The following DIP2C variants were observed in gnomAD, a reference collection of about 807,000 sequenced individuals.
DIP2C encodes the protein disco-interacting protein 2 homolog C.
A neutral mutation model predicts 192.4 loss-of-function variants in DIP2C; 33 were observed. The ratio of observed to expected loss-of-function variants is 0.17; its 90% CI spans 0.13 to 0.23. DIP2C has a LOEUF of 0.23. DIP2C is among the 10% of genes least tolerant of loss of function. DIP2C has a pLI of 1.00. For synonymous variants in DIP2C, 979 were observed against 864.1 expected (o/e 1.13, Z -2.33); for missense variants, 1,537 against 2,110.1 (o/e 0.73, Z 5.32).
At chr10:492,550 T>C (rs1413501710) in intron 1 of DIP2C, among the ~76,000 whole-genome samples, 2 of 152,200 alleles carry the variant, frequency 1.3e-5, no homozygotes, top group Admixed American at 1.3e-4. Flanking sequence ...CATTATTTAT[T>C]GTTATTTAGT....
intron 36 of DIP2C, among the ~76,000 whole-genome samples, chr10:277,828 C>T (rs918592613): frequency 3.3e-5 from 5 of 152,158 alleles, no homozygotes; most frequent in African/African-American, 1.2e-4. Flanking sequence ...ACCATCTTCC[C>T]GAGTTCCCAT....
At chr10:286,914 T>TG (rs774654503) in intron 33 of DIP2C, among the ~76,000 whole-genome samples, 10 of 152,140 alleles carry the variant, frequency 6.6e-5, no homozygotes, top group South Asian at 2.1e-4. Flanking sequence ...AATGATATAG[T>TG]AGGCAGCTGC....
Position 560,242 on chromosome 10 carries a change from C to T in DIP2C, c.86-73712G>A, listed in dbSNP as rs150848267. On this transcript the variant is annotated intron_variant, in intron 1 of 36. Transcript: ENST00000280886. ...AAAACCCACAGGGGTGGAGAAGACA[C>T]GCGATCAAGGTGGACAGGATGGAGG... 2.4e-3 allele frequency among the ~76,000 whole-genome samples: 371 copies of T among 152,262 alleles called. 3 individuals are homozygous for T. The Middle Eastern group carries it at 0.031, about 13-fold the overall frequency.
At chr10:349,922 TAAAC>T (rs778354794) in intron 24 of DIP2C, among the ~76,000 whole-genome samples, 37 of 151,872 alleles carry the variant, frequency 2.4e-4, no homozygotes, top group Non-Finnish European at 3.8e-4. Context: ...AAAAGCAAAA[TAAAC>T]AAACACACCC....
intron 1 of DIP2C, among the ~76,000 whole-genome samples, chr10:554,014 T>C (rs559712418): frequency 2.0e-5 from 3 of 148,782 alleles, no homozygotes; most frequent in South Asian, 4.3e-4. Flanking sequence ...ATATACCTCA[T>C]AGGAAAAAAC....
At chr10:609,796 C>G (rs1852944949) in intron 1 of DIP2C, among the ~76,000 whole-genome samples, 1 of 152,152 alleles carries the variant, frequency 6.6e-6, no homozygotes, top group Admixed American at 6.5e-5. Flanking sequence ...ATCTTTGGAT[C>G]TTATGTGAGG....
At chr10:559,042 G>C (rs1394347134) in intron 1 of DIP2C, among the ~76,000 whole-genome samples, 5 of 151,682 alleles carry the variant, frequency 3.3e-5, no homozygotes, top group African/African-American at 1.2e-4. Context: ...AGGTTTTCAA[G>C]GTCTTGCAAG....
At chr10:643,053 A>T (rs1370536649) in intron 1 of DIP2C, among the ~76,000 whole-genome samples, 1 of 151,936 alleles carries the variant, frequency 6.6e-6, no homozygotes, top group Non-Finnish European at 1.5e-5. Context: ...AAAATACAAA[A>T]ATCAGCCAGG....
intron 10 of DIP2C, among the ~76,000 whole-genome samples, chr10:396,831 G>C (rs925528130): frequency 3.1e-5 from 2 of 64,680 alleles, no homozygotes; most frequent in Admixed American, 1.8e-4. Flanking sequence ...TCCGGTGGGG[G>C]GGGGGGAAAC....
At chr10:435,944 C>G (rs1159881652) in intron 4 of DIP2C, among the ~76,000 whole-genome samples, 2 of 151,776 alleles carry the variant, frequency 1.3e-5, no homozygotes. Context: ...AACTTTAAAC[C>G]TACTTTGTAG....
chr10:667,128 C>A lies in DIP2C; in HGVS notation c.85+22366G>T, dbSNP rs565988640. 2.1e-3 allele frequency: 320 copies of A among 152,340 alleles called. 1 individual carries two copies. Among genetic ancestry groups the A allele is most frequent in the Middle Eastern group, 6.8e-3 (2 of 294 alleles). 9.4% of individuals were successfully genotyped at this position (152,340 alleles called of 1,614,324 possible). On this transcript the variant is annotated intron_variant, in intron 1 of 36. Coordinates refer to ENST00000280886, the MANE Select transcript of DIP2C (RefSeq NM_014974.3). ...CAACACCTTGGAAGGCCGAGGCAGG[C>A]GGATGACATGAGGTCAGGAGTTCAA...
At chr10:303,627 G>A (rs1233978180) in intron 32 of DIP2C, among the ~76,000 whole-genome samples, 4 of 151,832 alleles carry the variant, frequency 2.6e-5, no homozygotes, top group Admixed American at 6.6e-5. Context: ...AGGTTCAAGC[G>A]ATTCTCCTGC....
chr10:475,387 A>G (rs1970978117), intron 2 of DIP2C, among the ~76,000 whole-genome samples: 1 of 152,218 alleles, frequency 6.6e-6, no homozygotes, highest in African/African-American at 2.4e-5. Context: ...CAAGTTGCCA[A>G]GCGTATCCAG....
intron 24 of DIP2C, among the ~76,000 whole-genome samples, chr10:353,212 C>G (rs1391678339): frequency 6.6e-6 from 1 of 152,096 alleles, no homozygotes; most frequent in Non-Finnish European, 1.5e-5. Context: ...TCTAAGGACA[C>G]ACATTCACTG....
At chr10:467,356 G>A (rs1290320491) in intron 3 of DIP2C, among the ~76,000 whole-genome samples, 1 of 116,906 alleles carries the variant, frequency 8.6e-6, no homozygotes, top group East Asian at 2.7e-4. Context: ...ACAGGAAGGG[G>A]AATATCACAC....
At chr10:308,710 T>TC (rs1217535897) in intron 32 of DIP2C, among the ~76,000 whole-genome samples, 5 of 152,146 alleles carry the variant, frequency 3.3e-5, no homozygotes, top group Non-Finnish European at 7.4e-5. Flanking sequence ...CTGCAGGGCC[T>TC]CCTGAGGGCT....
chr10:408,930 T>C lies in DIP2C; in HGVS notation c.1145A>G (p.Asp382Gly), dbSNP rs1278780919. The C allele has an allele frequency of 1.9e-6, 3 of 1,613,990 alleles. No homozygotes were observed. Among genetic ancestry groups the C allele is most frequent in the Non-Finnish European group, 2.5e-6 (3 of 1,180,024 alleles). ...TKQEPMVRPG[D>G]RVALVFPNND... ...AGCAGTTTAAGTTGCACTTACCCTA[T>C]CTCCAGGCCGGACCATGGGTTCCTG... Residue 382 changes from aspartate (D) to glycine (G), a missense_variant, in exon 9 of 37, where the codon GAT becomes GGT. Around this residue, in one of 4 missense-constraint regions of DIP2C, gnomAD observed 473 missense variants for 539.6 expected, o/e 0.88. Transcript: ENST00000280886.
At chr10:593,680 T>C (rs1243543593) in intron 1 of DIP2C, among the ~76,000 whole-genome samples, 1 of 152,124 alleles carries the variant, frequency 6.6e-6, no homozygotes, top group African/African-American at 2.4e-5. Context: ...CCAGATGCTC[T>C]GCACACGGCC....
At chr10:410,363 G>A (rs1272053100) in intron 8 of DIP2C, among the ~76,000 whole-genome samples, 1 of 152,200 alleles carries the variant, frequency 6.6e-6, no homozygotes, top group African/African-American at 2.4e-5. Context: ...TTAATTGCTA[G>A]ACACACATTT....
Sources: gnomAD v4.1 joint callset for allele counts (sites outside exome capture counted in the v4.1 genomes callset) on GRCh38, gnomAD v4.1.1 for gene constraint, gnomAD v4.1.1 regional missense constraint, MANE v1.5 for transcripts, NCBI Gene and HGNC (gene_info 2026-07-23, HGNC 2026-07-21) for gene names.